Variants in TAFA1 observed in about 807,000 individuals in gnomAD.
The protein encoded by TAFA1 is chemokine-like protein TAFA-1.
A neutral mutation model predicts 18.5 loss-of-function variants in TAFA1; 4 were observed. The observed-to-expected ratio is 0.22, with a 90% confidence interval of 0.11 to 0.49. The LOEUF (loss-of-function observed/expected upper bound fraction) is 0.49. TAFA1 is among the 20% of genes least tolerant of loss of function. The probability of loss-of-function intolerance (pLI) is 0.98; values close to 1 mark genes in which losing one functional copy is unlikely to be tolerated. For synonymous variants in TAFA1, 56 were observed against 55.2 expected (o/e 1.01, Z -0.06); for missense variants, 147 against 169.0 (o/e 0.87, Z 0.72).
At chr3:68,488,646 G>A (rs1417964304) in intron 3 of TAFA1, among the ~76,000 whole-genome samples, 1 of 152,050 alleles carries the variant, frequency 6.6e-6, no homozygotes, top group African/African-American at 2.4e-5. Context: ...CTGCATAATG[G>A]CAATAAGATA....
At chr3:68,405,881 C>T (rs2070596426) in intron 2 of TAFA1, among the ~76,000 whole-genome samples, 1 of 151,934 alleles carries the variant, frequency 6.6e-6, no homozygotes, top group South Asian at 2.1e-4. Context: ...GAATTCTACC[C>T]TTTCATCCTC....
chr3:68,135,339 A>C (rs915833450), intron 2 of TAFA1, among the ~76,000 whole-genome samples: 4 of 152,210 alleles, frequency 2.6e-5, no homozygotes, highest in South Asian at 2.1e-4. Context: ...AACAAAGCCT[A>C]TAATTTCTTC....
chr3:68,049,816 AT>A (rs1035688379), intron 2 of TAFA1, among the ~76,000 whole-genome samples: 8 of 151,768 alleles, frequency 5.3e-5, no homozygotes, highest in African/African-American at 1.5e-4. Flanking sequence ...TTTTCTGCAT[AT>A]TTTTTTTCCA....
At chr3:68,246,677 C>T (rs2067088149) in intron 2 of TAFA1, 1 of 142,564 alleles carries the variant, frequency 7.0e-6, no homozygotes, top group African/African-American at 2.6e-5. Flanking sequence ...CATAATGAGA[C>T]GATACAGTGA....
At chr3:68,125,772 T>G (rs2065457204) in intron 2 of TAFA1, among the ~76,000 whole-genome samples, 1 of 152,188 alleles carries the variant, frequency 6.6e-6, no homozygotes, top group African/African-American at 2.4e-5. Flanking sequence ...ATACATATAG[T>G]GCCTGCCTCG....
In TAFA1 at chr3:68,288,063, GCCT is replaced by G. The variant is rs2068045856; in HGVS notation, c.119-129213_119-129211del. On this transcript the variant is annotated intron_variant, in intron 2 of 4. Transcript: ENST00000478136. ...TGAAGCGCTTTCCTTGGGTTCCGAA[GCCT>G]CCTTTGCTCTCAATTCTCATTACTT... Among the ~76,000 whole-genome samples, 3 of 152,228 alleles carry G rather than the reference GCCT, an allele frequency of 2.0e-5. No homozygotes were observed. The South Asian group carries it at 6.2e-4, about 32-fold the overall frequency.
chr3:68,527,169 AT>A (rs1389903906), intron 3 of TAFA1, among the ~76,000 whole-genome samples: 8 of 152,216 alleles, frequency 5.3e-5, no homozygotes, highest in Admixed American at 3.9e-4. Context: ...AACATTCAGG[AT>A]TTGATTTACA....
chr3:68,470,977 A>G (rs2071985993), intron 3 of TAFA1, among the ~76,000 whole-genome samples: 1 of 152,140 alleles, frequency 6.6e-6, no homozygotes, highest in Non-Finnish European at 1.5e-5. Context: ...CCTGGCGTGG[A>G]TCCAGGGTTC....
At chr3:68,418,410 T>C (rs2070885301) in intron 3 of TAFA1, among the ~76,000 whole-genome samples, 1 of 150,522 alleles carries the variant, frequency 6.6e-6, no homozygotes, top group Admixed American at 6.6e-5. Context: ...CACAAGGTAA[T>C]GTCGTCACTT....
chr3:68,454,595 C>G (rs2071623946), intron 3 of TAFA1, among the ~76,000 whole-genome samples: 1 of 152,130 alleles, frequency 6.6e-6, no homozygotes, highest in African/African-American at 2.4e-5. Context: ...ATGTAAGGAC[C>G]AGTTCTTCCA....
intron 2 of TAFA1, among the ~76,000 whole-genome samples, chr3:68,330,905 ATG>A (rs1372840499): frequency 3.3e-5 from 5 of 151,892 alleles, no homozygotes; most frequent in Non-Finnish European, 5.9e-5. Flanking sequence ...GGAATTTCAT[ATG>A]TGTTTTTTTT....
At chr3:68,445,575 AG>A (rs2071461305) in intron 3 of TAFA1, among the ~76,000 whole-genome samples, 1 of 152,160 alleles carries the variant, frequency 6.6e-6, no homozygotes, top group Non-Finnish European at 1.5e-5. Context: ...TTTTGAAATG[AG>A]TTCCAGCTGT....
chr3:68,014,862 A>T (rs1342588528), intron 2 of TAFA1, among the ~76,000 whole-genome samples: 2 of 152,154 alleles, frequency 1.3e-5, no homozygotes, highest in East Asian at 3.9e-4. Context: ...AAATCTAAAA[A>T]TTGATGTGTA....
chr3:68,266,194 GC>G (rs2067542851), intron 2 of TAFA1, among the ~76,000 whole-genome samples: 1 of 152,090 alleles, frequency 6.6e-6, no homozygotes, highest in South Asian at 2.1e-4. Flanking sequence ...CATGTAGCGC[GC>G]TTTAATTTAC....
intron 3 of TAFA1, among the ~76,000 whole-genome samples, chr3:68,498,660 AG>A (rs1471876967): frequency 6.6e-6 from 1 of 150,544 alleles, no homozygotes; most frequent in East Asian, 2.0e-4. Context: ...GGCTGATTCA[AG>A]TAGAGGATTA....
intron 3 of TAFA1, among the ~76,000 whole-genome samples, chr3:68,466,776 T>A (rs928755124): frequency 6.6e-6 from 1 of 152,204 alleles, no homozygotes; most frequent in Admixed American, 6.5e-5. Flanking sequence ...GAACCACCCC[T>A]GATATTTCAA....
chr3:68,072,009 C>A (rs886687544), intron 2 of TAFA1, among the ~76,000 whole-genome samples: 1 of 152,136 alleles, frequency 6.6e-6, no homozygotes, highest in African/African-American at 2.4e-5. Context: ...AACTATATCA[C>A]CATCTATAAA....
intron 2 of TAFA1, among the ~76,000 whole-genome samples, chr3:68,075,210 T>C (rs945860859): frequency 1.3e-5 from 2 of 152,242 alleles, no homozygotes; most frequent in Admixed American, 1.3e-4. Flanking sequence ...TCTGTATAGA[T>C]ATACTATTGG....
chr3:68,113,382 C>A (rs2065283170), intron 2 of TAFA1, among the ~76,000 whole-genome samples: 1 of 152,154 alleles, frequency 6.6e-6, no homozygotes. Flanking sequence ...GCAAACTGCA[C>A]ACCTGACTCA....
Sources: gnomAD v4.1 joint callset for allele counts (sites outside exome capture counted in the v4.1 genomes callset) on GRCh38, gnomAD v4.1.1 for gene constraint, MANE v1.5 for transcripts, NCBI Gene and HGNC (gene_info 2026-07-23, HGNC 2026-07-21) for gene names.